TCF21: variants seen among roughly 807,000 people sequenced by gnomAD.
TCF21 encodes the protein transcription factor 21, also known as capsulin.
Under a neutral mutation model 13.5 loss-of-function variants are expected in TCF21, and 3 were observed. The observed-to-expected ratio is 0.22, with a 90% CI of 0.10 to 0.57. TCF21 has a LOEUF of 0.57. TCF21 is among the 20% of genes least tolerant of loss of function. The pLI is 0.92. For synonymous variants in TCF21, 92 were observed against 101.7 expected (o/e 0.90, Z 0.57); for missense variants, 181 against 238.4 (o/e 0.76, Z 1.59).
chr6:133,894,227 A>G (rs1775266776), downstream of TCF21: 1 of 152,024 alleles, frequency 6.6e-6, no homozygotes, highest in African/African-American at 2.4e-5. Flanking sequence ...TTTGGTATCT[A>G]TTGACTCTTT....
At chr6:133,893,814 C>G (rs1202529601), downstream of TCF21, 1 of 152,134 alleles carries the variant, frequency 6.6e-6, no homozygotes, top group South Asian at 2.1e-4. Flanking sequence ...TAATTTGAAG[C>G]CTTTGCTTTA....
At chr6:133,895,120 A>G (rs1775281829), downstream of TCF21, 1 of 152,172 alleles carries the variant, frequency 6.6e-6, no homozygotes, top group Admixed American at 6.5e-5. Context: ...CATTCTAAAA[A>G]GAGAAGTGAT....
At position 133,889,378 on chromosome 6, in the gene TCF21, C is replaced by CTCT; in HGVS notation, c.-20_-19insTCT. ...CTCTCTGTCTCTCTCTCTCTCTCTC[C>CTCT]CTCGTCCACTCCCCCAAACATGTCC... is the stretch of plus-strand genomic sequence containing the variant. On this transcript the variant is annotated 5_prime_UTR_variant, in exon 1 of 2. Coordinates refer to ENST00000367882, the MANE Select transcript of TCF21 (RefSeq NM_003206.4). The surrounding 1 kb of genome is among the most constrained non-coding windows in gnomAD (Gnocchi z 5.1). 6.6e-7 allele frequency: 1 copy of CTCT among 1,509,254 alleles called. No individual in the cohort carries two copies. Among genetic ancestry groups the CTCT allele is most frequent in the Non-Finnish European group, 9.2e-7 (1 of 1,089,772 alleles). 93.5% of individuals were successfully genotyped at this position (1,509,254 alleles called of 1,614,324 possible).
At chr6:133,893,396 CCTGT>C (rs1362587764), downstream of TCF21, 2 of 152,298 alleles carry the variant, frequency 1.3e-5, no homozygotes, top group Admixed American at 6.5e-5. Flanking sequence ...ACTTCATCCA[CCTGT>C]CTATTTGCAC....
In TCF21 at chr6:133,889,940, G is replaced by A; in HGVS notation, c.450+93G>A. On this transcript the variant is annotated intron_variant, in intron 1 of 1. Coordinates refer to ENST00000367882, the MANE Select transcript of TCF21 (RefSeq NM_003206.4). This position sits in a 1 kb window ranked among gnomAD's most constrained non-coding sequence, Gnocchi z 5.1. ...TGCGCGCGGGGCTGGGAGTGGGGGT[G>A]TGGGCGCGGCGGTGACTTACACATC... 7.0e-7 allele frequency: 1 copy of A among 1,434,684 alleles called. No individual in the cohort carries two copies. Among genetic ancestry groups the A allele is most frequent in the Non-Finnish European group, 9.7e-7 (1 of 1,025,718 alleles). 88.9% of individuals were successfully genotyped at this position (1,434,684 alleles called of 1,614,324 possible).
intron 1 of TCF21, among the ~76,000 whole-genome samples, chr6:133,890,098 GT>G (rs1425385314): frequency 6.6e-6 from 1 of 152,212 alleles, no homozygotes; most frequent in Non-Finnish European, 1.5e-5. Context: ...CCAATTAAAA[GT>G]TTGCAAGTGT....
chr6:133,893,988 CT>C (rs1284927243), downstream of TCF21: 2 of 152,176 alleles, frequency 1.3e-5, no homozygotes, highest in Non-Finnish European at 2.9e-5. Flanking sequence ...AGACCTTCCT[CT>C]TTCATCTTAC....
chr6:133,892,962 C>T (rs1201047128), downstream of TCF21: 3 of 152,258 alleles, frequency 2.0e-5, no homozygotes, highest in East Asian at 5.8e-4. Context: ...ACCCGGCTCC[C>T]TCACTGCCCC....
chr6:133,891,985 GTACT>G lies in TCF21; in HGVS notation c.*187_*190del. ...GTTTCCAAACCAGAGGAGATCAATT[GTACT>G]TACAAAGATTCCCATCTATTTAACT... is the stretch of plus-strand genomic sequence containing the variant. On this transcript the variant is annotated 3_prime_UTR_variant, in exon 2 of 2. Transcript: ENST00000367882. 1 of 602,594 alleles carries G rather than the reference GTACT, an allele frequency of 1.7e-6. No individual in the cohort carries two copies. Among genetic ancestry groups the G allele is most frequent in the Non-Finnish European group, 2.9e-6 (1 of 346,002 alleles). The allele number at this position is 602,594 out of a possible 1,614,324, so 37.3% of individuals were successfully genotyped here.
rs769987065 is a variant in TCF21, at chr6:133,889,517, G to A, written c.120G>A (p.Glu40=). 2 of 1,614,112 alleles carry A rather than the reference G, an allele frequency of 1.2e-6. No homozygotes were observed. Among genetic ancestry groups the A allele is most frequent in the South Asian group, 2.2e-5 (2 of 91,078 alleles). ...EFVTSNESTE[E]SSNCENGSPQ... is the part of the protein sequence containing the mutation. ...TGACTTCCAACGAGAGCACCGAGGA[G>A]AGCTCCAACTGCGAGAATGGGTCTC... The change falls in exon 1 of 2, where the codon GAG becomes GAA. Residue 40 remains glutamate, a synonymous_variant. Transcript: ENST00000367882. This position sits in a 1 kb window ranked among gnomAD's most constrained non-coding sequence, Gnocchi z 5.1.
rs201763632 is a variant in TCF21, at chr6:133,891,848, G to A, written c.*46G>A. On this transcript the variant is annotated 3_prime_UTR_variant, in exon 2 of 2. Coordinates refer to ENST00000367882, the MANE Select transcript of TCF21 (RefSeq NM_003206.4). The stretch of plus-strand genomic sequence containing the variant: ...GAAAGGCGCGCTCCCGGGGGGAGCG[G>A]GCCCCGGGAAGGCGACCCCTGCCCT... The A allele has an allele frequency of 8.7e-6, 14 of 1,601,350 alleles. No individual in the cohort carries two copies. In the East Asian group the frequency reaches 2.5e-4, roughly 28 times the overall value.
rs1342144977 is a variant in TCF21, at chr6:133,889,938, G to A, written c.450+91G>A. On this transcript the variant is annotated intron_variant, in intron 1 of 1. Coordinates refer to ENST00000367882, the MANE Select transcript of TCF21 (RefSeq NM_003206.4). This position sits in a 1 kb window ranked among gnomAD's most constrained non-coding sequence, Gnocchi z 5.1. ...AGTGCGCGCGGGGCTGGGAGTGGGG[G>A]TGTGGGCGCGGCGGTGACTTACACA... 1 of 1,440,132 alleles carries A rather than the reference G, an allele frequency of 6.9e-7. No homozygotes were observed. The highest frequency in any genetic ancestry group is 9.7e-7 in the Non-Finnish European group (1 of 1,030,410). 89.2% of individuals were successfully genotyped at this position (1,440,132 alleles called of 1,614,324 possible). A position where few individuals can be genotyped will look rare whatever the true frequency, so the allele number is the denominator to read the frequency against.
Position 133,889,460 on chromosome 6 carries a change from C to A in TCF21, c.63C>A (p.Asp21Glu), listed in dbSNP as rs61729591. 1 of 1,614,062 alleles carries A rather than the reference C, an allele frequency of 6.2e-7. No homozygotes were observed. Among genetic ancestry groups the A allele is most frequent in the East Asian group, 2.2e-5 (1 of 44,854 alleles). Residue 21 changes from aspartate (D) to glutamate (E), a missense_variant, in exon 1 of 2, where the codon GAC (aspartate) becomes GAA (glutamate). Around this residue, in one of 3 missense-constraint regions of TCF21, gnomAD observed 91 missense variants for 98.5 expected, o/e 0.92. Transcript: ENST00000367882. The surrounding 1 kb of genome is among the most constrained non-coding windows in gnomAD (Gnocchi z 5.1). The stretch of plus-strand genomic sequence containing the variant: ...AAGAGGTGGAGATGTTGGAATGTGA[C>A]GGGTTGAAAATGGATTCGAACAAGG... The part of the protein sequence containing the change: ...DLQEVEMLEC[D>E]GLKMDSNKEF...
rs757443587 is a variant in TCF21 at position 133,889,599 on chromosome 6, C to A, written c.202C>A (p.Pro68Thr). The A allele has an allele frequency of 1.5e-5, 25 of 1,613,858 alleles. No individual in the cohort carries two copies. The highest frequency in any genetic ancestry group is 2.0e-5 in the Non-Finnish European group (24 of 1,179,952). ...GAGGAAGGCGCCCACCAAGAAGAGC[C>A]CCCTGAGCGGGGTCAGCCAGGAGGG... is the stretch of plus-strand genomic sequence containing the variant. ...KRRKAPTKKS[P>T]LSGVSQEGKQ... Residue 68 changes from proline to threonine, a missense_variant, in exon 1 of 2, where the codon CCC becomes ACC. Pro to Thr is a conservative substitution (Grantham distance 38). Coordinates refer to ENST00000367882, the MANE Select transcript of TCF21 (RefSeq NM_003206.4). This position sits in a 1 kb window ranked among gnomAD's most constrained non-coding sequence, Gnocchi z 5.1.
At chr6:133,894,883 A>T (rs1470903516), downstream of TCF21, 2 of 152,284 alleles carry the variant, frequency 1.3e-5, no homozygotes, top group African/African-American at 4.8e-5. Context: ...AGAAAGAACC[A>T]GGAGAACAAC....
Position 133,892,196 on chromosome 6 carries a change from T to C in TCF21, c.*394T>C, listed in dbSNP as rs968183522. The C allele has an allele frequency of 6.5e-6, 1 of 154,036 alleles. No individual in the cohort carries two copies. Among genetic ancestry groups the C allele is most frequent in the African/African-American group, 2.4e-5 (1 of 41,652 alleles). 9.5% of individuals were successfully genotyped at this position (154,036 alleles called of 1,614,324 possible). A position where few individuals can be genotyped will look rare whatever the true frequency, so the allele number is the denominator to read the frequency against. ...TTATAAAGTAATTCACTTAAAGATA[T>C]ATATTTTTTTCAAACAAGTTTTGCT... is the stretch of plus-strand genomic sequence containing the variant. On this transcript the variant is annotated 3_prime_UTR_variant, in exon 2 of 2. Coordinates refer to ENST00000367882, the MANE Select transcript of TCF21 (RefSeq NM_003206.4).
rs181269946 is a variant in TCF21, at chr6:133,891,852, C to G, written c.*50C>G. On this transcript the variant is annotated 3_prime_UTR_variant, in exon 2 of 2. Transcript: ENST00000367882. ...GGCGCGCTCCCGGGGGGAGCGGGCC[C>G]CGGGAAGGCGACCCCTGCCCTCAGT... The G allele has an allele frequency of 4.4e-6, 7 of 1,600,434 alleles. No individual in the cohort carries two copies. In the Admixed American group the frequency reaches 5.1e-5, roughly 12 times the overall value.
In TCF21 at chr6:133,891,822, G is replaced by A; in HGVS notation, c.*20G>A. On this transcript the variant is annotated 3_prime_UTR_variant, in exon 2 of 2. Coordinates refer to ENST00000367882, the MANE Select transcript of TCF21 (RefSeq NM_003206.4). Reference sequence around the variant, plus strand: ...TCCTGACCTTGGAGGTGCGAGTCTGGGAAAGGCGCGCTCCCGGGGGGAGCG... The same window carrying A: ...TCCTGACCTTGGAGGTGCGAGTCTGAGAAAGGCGCGCTCCCGGGGGGAGCG... The A allele has an allele frequency of 6.2e-7, 1 of 1,612,938 alleles. No individual in the cohort carries two copies. The highest frequency in any genetic ancestry group is 8.5e-7 in the Non-Finnish European group (1 of 1,179,144).
chr6:133,891,693 C>T lies in TCF21; in HGVS notation c.451-20C>T, dbSNP rs773386936. On this transcript the variant is annotated intron_variant, in intron 1 of 1. Transcript: ENST00000367882. The stretch of plus-strand genomic sequence containing the variant: ...CTCCGCCACGGCCACTTACCTCCTC[C>T]ACCCTCTTCTTTCCCGCAGACGTGG... 6 of 1,613,616 alleles carry T rather than the reference C, an allele frequency of 3.7e-6. No homozygotes were observed. In the South Asian group the frequency reaches 6.6e-5, roughly 18 times the overall value.
Sources: gnomAD v4.1 joint callset for allele counts (sites outside exome capture counted in the v4.1 genomes callset) on GRCh38, gnomAD v4.1.1 for gene constraint, gnomAD v4.1.1 regional missense constraint, Gnocchi (gnomAD v3.1) non-coding constraint, MANE v1.5 for transcripts, NCBI Gene and HGNC (gene_info 2026-07-23, HGNC 2026-07-21) for gene names.